The following GLI2 variants were observed in gnomAD, a reference collection of about 807,000 sequenced individuals.
GLI2 encodes the protein transcription activator GLI2.
Under a neutral mutation model 78.9 loss-of-function variants are expected in GLI2, and 22 were observed. The ratio of observed to expected loss-of-function variants is 0.28; its 90% confidence interval spans 0.20 to 0.40. The LOEUF is 0.40. Ranked by LOEUF, GLI2 falls within the 10% of genes least tolerant of loss-of-function variation. The probability of loss-of-function intolerance (pLI) is 1.00; values close to 1 mark genes in which losing one functional copy is unlikely to be tolerated. For missense variants in GLI2, 2,097 were observed against 2,213.2 expected, an observed-to-expected ratio of 0.95 and a Z score of 1.05; for synonymous variants, 974 against 963.7, an observed-to-expected ratio of 1.01 and a Z score of -0.20.
chr2:120,883,937 G>A (rs72955315), intron 2 of GLI2, among the ~76,000 whole-genome samples: 2,754 of 152,320 alleles, frequency 0.018, 86 homozygotes, highest in African/African-American at 0.063. Context: ...CCCCGCAGCA[G>A]ATGAGTGTGT....
intron 1 of GLI2, among the ~76,000 whole-genome samples, chr2:120,770,742 G>A (rs1319291101): frequency 6.6e-6 from 1 of 152,132 alleles, no homozygotes; most frequent in Non-Finnish European, 1.5e-5. Context: ...CTCAGGGATG[G>A]TCACCAATGG....
At chr2:120,744,696 A>T (rs1682646442) in intron 1 of GLI2, among the ~76,000 whole-genome samples, 1 of 152,202 alleles carries the variant, frequency 6.6e-6, no homozygotes, top group Non-Finnish European at 1.5e-5. Flanking sequence ...TTCTTCTCCT[A>T]AAATGTGCTT....
At chr2:120,749,479 A>G (rs1682800942) in intron 1 of GLI2, among the ~76,000 whole-genome samples, 1 of 152,182 alleles carries the variant, frequency 6.6e-6, no homozygotes, top group Admixed American at 6.5e-5. Context: ...GGTGGGAGGC[A>G]GGATGTTTTG....
rs763372753 is a variant in GLI2 at position 120,978,514 on chromosome 2, C to G, written c.1398C>G (p.Pro466=). 4 of 1,614,032 alleles carry G rather than the reference C, an allele frequency of 2.5e-6. No homozygotes were observed. The South Asian group carries it at 4.4e-5, about 18-fold the overall frequency. ...RWQACTREQK[P]FKAQYMLVVH... ...AGGCCTGCACGCGGGAGCAGAAGCC[C>G]TTCAAGGCGCAGTACATGCTGGTGG... Residue 466 remains proline, a synonymous_variant, in exon 10 of 14, where the codon CCC becomes CCG. Transcript: ENST00000361492.
chr2:120,938,984 A>G (rs1051496853), intron 3 of GLI2, among the ~76,000 whole-genome samples: 4 of 152,212 alleles, frequency 2.6e-5, no homozygotes, highest in Non-Finnish European at 5.9e-5. Flanking sequence ...AAAACATGCA[A>G]AAGAACAACA....
intron 2 of GLI2, among the ~76,000 whole-genome samples, chr2:120,881,952 T>G (rs1677172852): frequency 6.6e-6 from 1 of 151,876 alleles, no homozygotes. Flanking sequence ...CAACCAAAGA[T>G]AGCTGGCAAC....
chr2:120,798,345 G>A (rs1684514389), intron 2 of GLI2, among the ~76,000 whole-genome samples: 1 of 152,168 alleles, frequency 6.6e-6, no homozygotes, highest in African/African-American at 2.4e-5. Context: ...TTAAGTTGGG[G>A]CAGGGCTGGC....
intron 8 of GLI2, 92 bp downstream of exon 8, chr2:120,972,155 T>G (rs1336508881): frequency 2.8e-5 from 40 of 1,430,238 alleles, no homozygotes; most frequent in Non-Finnish European, 3.7e-5. Context: ...AACGGATGGC[T>G]GGCTGGCTGC....
intron 5 of GLI2, among the ~76,000 whole-genome samples, chr2:120,963,705 TCTC>T: frequency 6.6e-6 from 1 of 152,322 alleles, no homozygotes; most frequent in East Asian, 1.9e-4. Context: ...CTGAGACACC[TCTC>T]CTCCTCTGCA....
chr2:120,754,784 G>A (rs886869889), intron 1 of GLI2, among the ~76,000 whole-genome samples: 9 of 151,996 alleles, frequency 5.9e-5, no homozygotes, highest in Non-Finnish European at 1.3e-4. Flanking sequence ...GGTAAACATC[G>A]AGGAGTAGAA....
At chr2:120,775,460 A>T (rs1683650171) in intron 1 of GLI2, among the ~76,000 whole-genome samples, 1 of 152,214 alleles carries the variant, frequency 6.6e-6, no homozygotes, top group Admixed American at 6.5e-5. Flanking sequence ...TCTGATGCGA[A>T]CAGTGCGCTA....
At chr2:120,983,880 A>AGTGTGTGTGCACATGTGT (rs1260440197) in intron 11 of GLI2, among the ~76,000 whole-genome samples, 1 of 150,950 alleles carries the variant, frequency 6.6e-6, no homozygotes, top group South Asian at 2.1e-4. Context: ...CTTAGAGGGG[A>AGTGTGTGTGCACATGTGT]GTGTGTGTGC....
intron 2 of GLI2, among the ~76,000 whole-genome samples, chr2:120,908,084 A>T (rs998068935): frequency 2.0e-5 from 3 of 152,172 alleles, no homozygotes; most frequent in Non-Finnish European, 2.9e-5. Flanking sequence ...GGGCCCTATT[A>T]TAGGTCATTA....
At chr2:120,831,958 G>T (rs373378390) in intron 2 of GLI2, among the ~76,000 whole-genome samples, 6 of 152,234 alleles carry the variant, frequency 3.9e-5, no homozygotes, top group African/African-American at 1.4e-4. Flanking sequence ...GCTGGACTGC[G>T]TCTGCTGCCC....
At chr2:120,877,917 G>A (rs1423868514) in intron 2 of GLI2, among the ~76,000 whole-genome samples, 1 of 152,182 alleles carries the variant, frequency 6.6e-6, no homozygotes, top group African/African-American at 2.4e-5. Context: ...GGGGGCACAT[G>A]TGGTCAGCTC....
intron 2 of GLI2, among the ~76,000 whole-genome samples, chr2:120,921,273 G>A (rs529416226): frequency 6.6e-6 from 1 of 151,934 alleles, no homozygotes; most frequent in Non-Finnish European, 1.5e-5. Flanking sequence ...TTGGTGGGGG[G>A]TGTTGGGGTG....
chr2:120,856,450 G>C lies in GLI2; in HGVS notation c.148+58982G>C, dbSNP rs375356034. ...CCGACTGTGCCCGGGCCAGGAAGCA[G>C]GACGGCTCCTAGGTAGAGATTTGGA... On this transcript the variant is annotated intron_variant, in intron 2 of 13. Coordinates refer to ENST00000361492, the MANE Select transcript of GLI2 (RefSeq NM_001374353.1). Among the ~76,000 whole-genome samples the C allele has an allele frequency of 1.1e-3, 162 of 152,272 alleles. 1 individual carries two copies. Among genetic ancestry groups the C allele is most frequent in the African/African-American group, 3.7e-3 (155 of 41,570 alleles).
intron 2 of GLI2, among the ~76,000 whole-genome samples, chr2:120,896,634 CACAT>C (rs1278208616): frequency 7.4e-6 from 1 of 134,938 alleles, no homozygotes; most frequent in Admixed American, 7.5e-5. Context: ...TTGAAAAACA[CACAT>C]ACACACACAC....
chr2:120,951,113 C>A, intron 3 of GLI2, 130 bp from the exon 4 acceptor site: 1 of 735,394 alleles, frequency 1.4e-6, no homozygotes, highest in Non-Finnish European at 2.5e-6. Flanking sequence ...GTCGGTGTAG[C>A]AAATAATAAG....
Sources: gnomAD v4.1 joint callset for allele counts (sites outside exome capture counted in the v4.1 genomes callset) on GRCh38, gnomAD v4.1.1 for gene constraint, MANE v1.5 for transcripts, NCBI Gene and HGNC (gene_info 2026-07-23, HGNC 2026-07-21) for gene names.